ITGA8: variants seen among roughly 807,000 people sequenced by gnomAD.
ITGA8 encodes integrin alpha-8.
A neutral mutation model predicts 142.3 loss-of-function variants in ITGA8; 91 were observed. The observed-to-expected ratio is 0.64, with a 90% confidence interval of 0.54 to 0.76. The LOEUF (loss-of-function observed/expected upper bound fraction) is 0.76, where lower values mean the gene tolerates loss of function less well. Ranked by LOEUF, ITGA8 falls within the 30% of genes least tolerant of loss-of-function variation. ITGA8 has a pLI of 0.00. For synonymous variants in ITGA8, 505 were observed against 485.2 expected, an observed-to-expected ratio of 1.04 and a Z score of -0.54; for missense variants, 1,406 against 1,327.7, an observed-to-expected ratio of 1.06 and a Z score of -0.92.
chr10:15,645,287 A>G (rs2131649282), intron 12 of ITGA8, among the ~76,000 whole-genome samples: 1 of 152,236 alleles, frequency 6.6e-6, no homozygotes, highest in Admixed American at 6.5e-5. Flanking sequence ...TGTATACTCA[A>G]GGACACCAAA....
chr10:15,581,674 A>G (rs1301310386), intron 23 of ITGA8, among the ~76,000 whole-genome samples: 1 of 152,228 alleles, frequency 6.6e-6, no homozygotes, highest in Admixed American at 6.5e-5. Context: ...CAGACAACAT[A>G]GTTTTATAGA....
Position 15,687,979 on chromosome 10 carries a change from A to T in ITGA8, c.403T>A (p.Trp135Arg), listed in dbSNP as rs757642762. The T allele has an allele frequency of 6.2e-7, 1 of 1,613,618 alleles. No individual in the cohort carries two copies. Among genetic ancestry groups the T allele is most frequent in the South Asian group, 1.1e-5 (1 of 91,068 alleles). ...TGAGCTTTCACTGTTGCTCCAAACC[A>T]CTGATTGGATTTGAACTCGATAGGT... ...KEPIEFKSNQ[W>R]FGATVKAHKG... is the part of the protein sequence containing the mutation. The change falls in exon 3 of 30, where the codon TGG becomes AGG. Residue 135 changes from tryptophan (W) to arginine (R), a missense_variant. By Grantham distance (101) the Trp-to-Arg change is moderately radical. Transcript: ENST00000378076.
intron 26 of ITGA8, among the ~76,000 whole-genome samples, chr10:15,557,855 A>G (rs1255926661): frequency 6.6e-6 from 1 of 152,258 alleles, no homozygotes; most frequent in Non-Finnish European, 1.5e-5. Context: ...AGTGGCCTCC[A>G]TGGCAGCTTT....
intron 15 of ITGA8, among the ~76,000 whole-genome samples, chr10:15,610,652 A>G (rs1833277341): frequency 6.6e-6 from 1 of 152,224 alleles, no homozygotes; most frequent in Admixed American, 6.5e-5. Context: ...CGGTTGGAAT[A>G]ATGATTCTGC....
intron 20 of ITGA8, among the ~76,000 whole-genome samples, chr10:15,599,496 G>A (rs1250885521): frequency 6.6e-6 from 1 of 152,114 alleles, no homozygotes; most frequent in Non-Finnish European, 1.5e-5. Flanking sequence ...TTGCAGCAGA[G>A]TTGGGAAATT....
At chr10:15,586,523 A>C (rs1208677335) in intron 23 of ITGA8, 61 bp downstream of exon 23, 2 of 938,814 alleles carry the variant, frequency 2.1e-6, no homozygotes, top group Admixed American at 3.8e-5. Flanking sequence ...CATTTTCACT[A>C]GTATTTTATC....
chr10:15,700,363 A>G (rs1338480358), intron 2 of ITGA8, among the ~76,000 whole-genome samples: 1 of 152,092 alleles, frequency 6.6e-6, no homozygotes, highest in Non-Finnish European at 1.5e-5. Flanking sequence ...ACCTGCAGAC[A>G]CACCAACTTC....
chr10:15,549,490 C>T (rs9333218), intron 26 of ITGA8, among the ~76,000 whole-genome samples: 19,439 of 152,060 alleles, frequency 0.13, 1,505 homozygotes, highest in Admixed American at 0.18. Context: ...GGATTACAGG[C>T]ATGAACCACC....
chr10:15,663,079 G>T (rs566076430), intron 8 of ITGA8, among the ~76,000 whole-genome samples: 33 of 152,288 alleles, frequency 2.2e-4, no homozygotes, highest in African/African-American at 7.5e-4. Flanking sequence ...ACCTAGCAGT[G>T]TGAGGATCCA....
chr10:15,615,638 C>T (rs1300247570), intron 14 of ITGA8, among the ~76,000 whole-genome samples: 2 of 152,112 alleles, frequency 1.3e-5, no homozygotes, highest in Non-Finnish European at 1.5e-5. Context: ...CTCAGCCTCC[C>T]GAGTAGCTGG....
At chr10:15,677,808 T>C (rs1834660268) in intron 5 of ITGA8, among the ~76,000 whole-genome samples, 171 bp from the exon 6 acceptor site, 2 of 152,228 alleles carry the variant, frequency 1.3e-5, no homozygotes, top group African/African-American at 4.8e-5. Context: ...TTTCCTCTTT[T>C]GTTTTCAATT....
In ITGA8 at chr10:15,561,233, A is replaced by G. The variant is rs1017726865; in HGVS notation, c.2638-3031T>C. ...GCTATATATATATATATATATATAT[A>G]TGTATATATATATATATATATGTAT... On this transcript the variant is annotated intron_variant, in intron 25 of 29. Transcript: ENST00000378076. 6.4e-4 allele frequency among the ~76,000 whole-genome samples: 57 copies of G among 89,620 alleles called. No homozygotes were observed. The South Asian group carries it at 7.4e-3, about 12-fold the overall frequency. The allele number at this position is 89,620 out of a possible 152,430, so 58.8% of individuals were successfully genotyped here.
At position 15,719,718 on chromosome 10, in the gene ITGA8, C is replaced by A. The variant is rs1441919247; in HGVS notation, c.54G>T (p.Ala18=). The change falls in exon 1 of 30, where the codon GCG becomes GCT. Residue 18 remains alanine, a synonymous_variant. Transcript: ENST00000378076. Reference sequence around the variant, plus strand: ...GCGCGGCCGCGGCGCAGCAGAGGGGCGCGATCAGCGGCGCCTGGCTTCCCC... The same window carrying A: ...GCGCGGCCGCGGCGCAGCAGAGGGGAGCGATCAGCGGCGCCTGGCTTCCCC... ...GPRGSQAPLI[A]PLCCAAAALG... is the part of the protein sequence containing the mutation. 1.9e-5 allele frequency: 26 copies of A among 1,402,918 alleles called. No individual in the cohort carries two copies. The highest frequency in any genetic ancestry group is 2.4e-5 in the Non-Finnish European group (26 of 1,085,830). 86.9% of individuals were successfully genotyped at this position (1,402,918 alleles called of 1,614,324 possible).
At chr10:15,557,967 C>T in intron 26 of ITGA8, 107 bp downstream of exon 26, 3 of 1,343,126 alleles carry the variant, frequency 2.2e-6, no homozygotes, top group Non-Finnish European at 3.1e-6. Flanking sequence ...AATATCTGAG[C>T]ACTGAAGGAG....
intron 27 of ITGA8, among the ~76,000 whole-genome samples, chr10:15,534,115 G>C (rs903431742): frequency 1.3e-5 from 2 of 151,936 alleles, no homozygotes; most frequent in Non-Finnish European, 1.5e-5. Context: ...TCTCCATGTT[G>C]GCCAGGCTGG....
At chr10:15,712,759 A>G (rs1835385633) in intron 2 of ITGA8, among the ~76,000 whole-genome samples, 1 of 152,238 alleles carries the variant, frequency 6.6e-6, no homozygotes, top group African/African-American at 2.4e-5. Context: ...TAAGAAGGAA[A>G]GTTCGAATGT....
intron 22 of ITGA8, among the ~76,000 whole-genome samples, chr10:15,590,907 A>G (rs962855740): frequency 1.3e-5 from 2 of 152,198 alleles, no homozygotes; most frequent in Non-Finnish European, 2.9e-5. Flanking sequence ...GAACAGCTCA[A>G]GTAAGTTGAG....
intron 27 of ITGA8, among the ~76,000 whole-genome samples, chr10:15,540,474 A>T (rs543070007): frequency 2.6e-5 from 4 of 152,284 alleles, no homozygotes; most frequent in South Asian, 4.1e-4. Flanking sequence ...AAGCCTTCTC[A>T]TCTCAACCTG....
intron 24 of ITGA8, 68 bp from the exon 25 acceptor site, chr10:15,572,437 A>T: frequency 7.4e-7 from 1 of 1,352,150 alleles, no homozygotes; most frequent in Non-Finnish European, 1.0e-6. Flanking sequence ...AACTCCATAT[A>T]CTCTATACCC....
Sources: gnomAD v4.1 joint callset for allele counts (sites outside exome capture counted in the v4.1 genomes callset) on GRCh38, gnomAD v4.1.1 for gene constraint, MANE v1.5 for transcripts, NCBI Gene and HGNC (gene_info 2026-07-23, HGNC 2026-07-21) for gene names.